Variants in PTPRD observed in about 807,000 individuals in gnomAD.
PTPRD encodes receptor-type tyrosine-protein phosphatase delta.
In PTPRD, 34 loss-of-function variants were observed where a neutral mutation model predicts 214.5. That is an observed-to-expected ratio of 0.16 (90% confidence interval 0.12 to 0.21). PTPRD has a LOEUF of 0.21. PTPRD is among the 10% of genes least tolerant of loss of function. The pLI is 1.00. For missense variants in PTPRD, 2,545 were observed against 2,398.7 expected (o/e 1.06, Z -1.27); for synonymous variants, 1,128 against 845.7 (o/e 1.33, Z -5.79).
At chr9:9,035,590 AC>A (rs2099619166) in intron 10 of PTPRD, among the ~76,000 whole-genome samples, 1 of 147,802 alleles carries the variant, frequency 6.8e-6, no homozygotes, top group African/African-American at 2.5e-5. Context: ...CTCTGGATAC[AC>A]CCAGTTAGCT....
intron 3 of PTPRD, among the ~76,000 whole-genome samples, chr9:10,035,486 C>G (rs10958839): frequency 0.32 from 48,629 of 152,018 alleles, 8,372 homozygotes; most frequent in East Asian, 0.63. Flanking sequence ...CTTTTGGCAT[C>G]TTCGTCATGA....
chr9:10,382,166 C>G (rs1203161390), intron 2 of PTPRD, among the ~76,000 whole-genome samples: 4 of 151,876 alleles, frequency 2.6e-5, no homozygotes, highest in Admixed American at 2.6e-4. Context: ...TGATGCCAAA[C>G]TGATCTTTCT....
rs1395816728 is a variant in PTPRD at position 10,159,041 on chromosome 9, G to A, written c.-544-125251C>T. On this transcript the variant is annotated intron_variant, in intron 3 of 45. Transcript: ENST00000381196. ...GGTCCCCCTGGGCATGAACACCTAGGAAGCCTTCTCACACTAATTGGAAAT... is the reference window on the plus strand; with the variant it reads ...GGTCCCCCTGGGCATGAACACCTAGAAAGCCTTCTCACACTAATTGGAAAT... Among the ~76,000 whole-genome samples the A allele has an allele frequency of 3.3e-5, 5 of 152,178 alleles. No homozygotes were observed. The South Asian group carries it at 1.0e-3, about 32-fold the overall frequency.
chr9:8,969,629 T>G (rs1031193461), intron 11 of PTPRD, among the ~76,000 whole-genome samples: 3 of 152,024 alleles, frequency 2.0e-5, no homozygotes, highest in South Asian at 2.1e-4. Context: ...AAATAAAACT[T>G]ATTAGAATAT....
chr9:9,901,187 T>C (rs532446013), intron 5 of PTPRD, among the ~76,000 whole-genome samples: 3 of 152,272 alleles, frequency 2.0e-5, no homozygotes, highest in South Asian at 4.1e-4. Context: ...CCCAATTATA[T>C]GTCTCGGACT....
At chr9:10,569,369 G>A (rs1321515713) in intron 2 of PTPRD, among the ~76,000 whole-genome samples, 2 of 151,968 alleles carry the variant, frequency 1.3e-5, no homozygotes, top group East Asian at 3.9e-4. Flanking sequence ...AGTATTCCCG[G>A]TTAACATATC....
intron 8 of PTPRD, among the ~76,000 whole-genome samples, chr9:9,402,988 A>AAAACAAAAAAAAATGAGGTGCC (rs2071405867): frequency 6.9e-6 from 1 of 144,058 alleles, no homozygotes; most frequent in Non-Finnish European, 1.5e-5. Context: ...AAAAAAAAAA[A>AAAACAAAAAAAAATGAGGTGCC]ACACCAAAAA....
chr9:9,001,108 A>T (rs1472091193), intron 11 of PTPRD, among the ~76,000 whole-genome samples: 1 of 152,002 alleles, frequency 6.6e-6, no homozygotes, highest in Admixed American at 6.6e-5. Flanking sequence ...TTAATTAAAA[A>T]AGGCACCGGT....
In PTPRD at chr9:8,486,005, A is replaced by T. The variant is rs2135937250; in HGVS notation, c.2812T>A (p.Ser938Thr). Residue 938 changes from serine to threonine, a missense_variant, in exon 28 of 46, where the codon TCT becomes ACT. Transcript: ENST00000381196. ...TCTGCCAGGACAGGTGGTTGCCAAG[A>T]TAACTGGACGGAGGTTGAAGTGGTG... ...EGTTSTSVQLSWQPPVLAERN... is the reference protein window; with the variant it reads ...EGTTSTSVQLTWQPPVLAERN... The T allele has an allele frequency of 6.2e-7, 1 of 1,614,180 alleles. No individual in the cohort carries two copies. The highest frequency in any genetic ancestry group is 1.6e-4 in the Middle Eastern group (1 of 6,062).
At chr9:10,579,740 G>A (rs568067979) in intron 2 of PTPRD, among the ~76,000 whole-genome samples, 22 of 152,202 alleles carry the variant, frequency 1.4e-4, no homozygotes, top group Middle Eastern at 3.4e-3. Context: ...GTGTATAACT[G>A]TTCCCTTTTC....
chr9:8,754,144 C>CA (rs113062178), intron 11 of PTPRD, among the ~76,000 whole-genome samples: 1 of 151,390 alleles, frequency 6.6e-6, no homozygotes, highest in Admixed American at 6.6e-5. Flanking sequence ...GACTCCATCT[C>CA]AAAAAAAAGA....
At chr9:9,383,022 A>G (rs2140399482) in intron 9 of PTPRD, among the ~76,000 whole-genome samples, 1 of 145,050 alleles carries the variant, frequency 6.9e-6, no homozygotes, top group Non-Finnish European at 1.5e-5. Context: ...GGTGAATCTG[A>G]AGGACATTAT....
chr9:10,559,570 A>T (rs936955534), intron 2 of PTPRD, among the ~76,000 whole-genome samples: 2 of 152,176 alleles, frequency 1.3e-5, no homozygotes, highest in African/African-American at 4.8e-5. Context: ...GATCTAATTA[A>T]ACTAAAGAGC....
intron 11 of PTPRD, among the ~76,000 whole-genome samples, chr9:8,887,139 A>G (rs1476149926): frequency 6.6e-6 from 1 of 152,156 alleles, no homozygotes; most frequent in Non-Finnish European, 1.5e-5. Flanking sequence ...CATCTAGTAC[A>G]TATAAGGCAA....
chr9:9,661,542 A>G (rs1316061203), intron 7 of PTPRD, among the ~76,000 whole-genome samples: 1 of 151,852 alleles, frequency 6.6e-6, no homozygotes, highest in African/African-American at 2.4e-5. Flanking sequence ...AATATAGAAT[A>G]CTTATGACTT....
chr9:9,285,077 A>C (rs1404340682), intron 9 of PTPRD, among the ~76,000 whole-genome samples: 1 of 151,798 alleles, frequency 6.6e-6, no homozygotes, highest in African/African-American at 2.4e-5. Flanking sequence ...CCCACCACCT[A>C]GTATGTAATA....
chr9:9,634,203 T>C (rs2095682357), intron 7 of PTPRD, among the ~76,000 whole-genome samples: 1 of 152,152 alleles, frequency 6.6e-6, no homozygotes, highest in African/African-American at 2.4e-5. Flanking sequence ...TGTTCAAATA[T>C]GGGTGTATCA....
chr9:10,029,280 G>A (rs995348248), intron 4 of PTPRD, among the ~76,000 whole-genome samples: 1 of 152,174 alleles, frequency 6.6e-6, no homozygotes, highest in Non-Finnish European at 1.5e-5. Context: ...TGTGGGGTTG[G>A]AGCCCCCATA....
chr9:10,411,811 G>T (rs2098438707), intron 2 of PTPRD, among the ~76,000 whole-genome samples: 2 of 151,542 alleles, frequency 1.3e-5, no homozygotes, highest in Admixed American at 6.6e-5. Flanking sequence ...GATGTTTAAT[G>T]ATTATGATCA....
Sources: gnomAD v4.1 joint callset for allele counts (sites outside exome capture counted in the v4.1 genomes callset) on GRCh38, gnomAD v4.1.1 for gene constraint, MANE v1.5 for transcripts, NCBI Gene and HGNC (gene_info 2026-07-23, HGNC 2026-07-21) for gene names.